SERPINA10: variants seen among roughly 807,000 people sequenced by gnomAD.
SERPINA10 encodes the protein protein Z-dependent protease inhibitor.
SERPINA10 carries 24 observed loss-of-function variants against 28.0 expected under a neutral mutation model. That is an observed-to-expected ratio of 0.86 (90% CI 0.62 to 1.20). The LOEUF is 1.20. Among genes scored for constraint, SERPINA10 ranks in the 50% most tolerant of loss-of-function variants. SERPINA10 has a pLI of 0.00. For synonymous variants in SERPINA10, 207 were observed against 203.9 expected (o/e 1.02, Z -0.13); for missense variants, 521 against 537.7 (o/e 0.97, Z 0.31).
At position 94,288,524 on chromosome 14, in the gene SERPINA10, C is replaced by T. The variant is rs768758518; in HGVS notation, c.754G>A (p.Glu252Lys). The T allele has an allele frequency of 3.3e-5, 53 of 1,614,012 alleles. No individual in the cohort carries two copies. The highest frequency in any genetic ancestry group is 8.3e-5 in the Admixed American group (5 of 59,998). The change falls in exon 3 of 5, where the codon GAA becomes AAA. Residue 252 changes from glutamate to lysine, a missense_variant. By Grantham distance (56) the Glu-to-Lys change is moderately conservative. Coordinates refer to ENST00000261994, the MANE Select transcript of SERPINA10 (RefSeq NM_001100607.3). ...WLTPFDPVFT[E>K]VDTFHLDKYK... ...TTGTCCAGGTGGAAAGTGTCGACTT[C>T]GGTGAAGACAGGGTCAAATGGGGTC...
rs765583660 is a variant in SERPINA10 at position 94,284,032 on chromosome 14, A to T, written c.1268T>A (p.Met423Lys). 1.2e-6 allele frequency: 2 copies of T among 1,614,200 alleles called. No homozygotes were observed. Among genetic ancestry groups the T allele is most frequent in the South Asian group, 2.2e-5 (2 of 91,086 alleles). Residue 423 changes from methionine (M) to lysine (K), a missense_variant, in exon 5 of 5, where the codon ATG becomes AAG. Coordinates refer to ENST00000261994, the MANE Select transcript of SERPINA10 (RefSeq NM_001100607.3). ...VIKVDRPFHF[M>K]IYEETSGMLL... is the part of the protein sequence containing the mutation. ...CATTCCAGAGGTTTCTTCATAGATC[A>T]TGAAATGAAATGGCCGGTCCACTTT...
chr14:94,289,112 C>T (rs567035055), intron 2 of SERPINA10, among the ~76,000 whole-genome samples: 1 of 152,340 alleles, frequency 6.6e-6, no homozygotes, highest in East Asian at 1.9e-4. Context: ...AACGTCTGCC[C>T]TGGGGGTGTG....
chr14:94,285,847 T>C (rs993678487), intron 4 of SERPINA10, among the ~76,000 whole-genome samples: 2 of 152,142 alleles, frequency 1.3e-5, no homozygotes, highest in African/African-American at 4.8e-5. Context: ...ACCAGTTCTA[T>C]TTCAGGGTCA....
At chr14:94,285,349 G>A (rs1188869453) in intron 4 of SERPINA10, among the ~76,000 whole-genome samples, 2 of 152,006 alleles carry the variant, frequency 1.3e-5, no homozygotes, top group Non-Finnish European at 2.9e-5. Context: ...CTGAGTAACT[G>A]AAGGGATTCT....
chr14:94,290,699 A>G, intron 1 of SERPINA10, 56 bp from the exon 2 acceptor site: 1 of 1,539,568 alleles, frequency 6.5e-7, no homozygotes, highest in East Asian at 2.4e-5. Flanking sequence ...GTCTTTGTGG[A>G]TAGTAAAAGC....
Position 94,290,500 on chromosome 14 carries a change from G to C in SERPINA10, c.94C>G (p.Pro32Ala). 6.2e-7 allele frequency: 1 copy of C among 1,613,546 alleles called. No homozygotes were observed. Among genetic ancestry groups the C allele is most frequent in the East Asian group, 2.2e-5 (1 of 44,848 alleles). ...LAPSPQSPET[P>A]APQNQTSRVV... ...CTGCTGGTCTGGTTCTGAGGGGCTG[G>C]GGTCTCTGGCGACTGAGGACTGGGG... The change falls in exon 2 of 5, where the codon CCA (proline) becomes GCA (alanine). Residue 32 changes from proline to alanine, a missense_variant. Physicochemically the swap from Pro to Ala is conservative, Grantham distance 27. Transcript: ENST00000261994.
intron 4 of SERPINA10, 38 bp from the exon 5 acceptor site, chr14:94,284,194 G>T: frequency 6.4e-7 from 1 of 1,567,654 alleles, no homozygotes; most frequent in Non-Finnish European, 8.8e-7. Flanking sequence ...CATTTGTGTG[G>T]CAGTGCAAAG....
Position 94,290,524 on chromosome 14 carries a change from G to A in SERPINA10, c.70C>T (p.Pro24Ser). Residue 24 changes from proline (P) to serine (S), a missense_variant, in exon 2 of 5, where the codon CCC (proline) becomes TCC (serine). Pro to Ser is a moderately conservative substitution (Grantham distance 74). Transcript: ENST00000261994. ...GGGGTCTCTGGCGACTGAGGACTGG[G>A]GGCCAAGCCGGGTACCAGCCACACC... ...AQVWLVPGLA[P>S]SPQSPETPAP... is the part of the protein sequence containing the mutation. 6.2e-7 allele frequency: 1 copy of A among 1,613,110 alleles called. No individual in the cohort carries two copies. The highest frequency in any genetic ancestry group is 8.5e-7 in the Non-Finnish European group (1 of 1,179,688).
chr14:94,290,702 G>A (rs1895153672), intron 1 of SERPINA10, 59 bp from the exon 2 acceptor site: 7 of 1,530,458 alleles, frequency 4.6e-6, no homozygotes, highest in Non-Finnish European at 4.4e-6. Flanking sequence ...TTTGTGGATA[G>A]TAAAAGCTTC....
At position 94,289,903 on chromosome 14, in the gene SERPINA10, T is replaced by G; in HGVS notation, c.691A>C (p.Ile231Leu). The change falls in exon 2 of 5, where the codon ATT (isoleucine) becomes CTT (leucine). Residue 231 changes from isoleucine (I) to leucine (L), a missense_variant. Coordinates refer to ENST00000261994, the MANE Select transcript of SERPINA10 (RefSeq NM_001100607.3). ...TTGAACAAGATGTAATCCACAAGAA[T>G]TAATTTGGTTTCAGGATTAATCTCA... ...FDEINPETKL[I>L]LVDYILFKGK... The G allele has an allele frequency of 1.2e-6, 2 of 1,614,072 alleles. No individual in the cohort carries two copies. Among genetic ancestry groups the G allele is most frequent in the Non-Finnish European group, 1.7e-6 (2 of 1,179,964 alleles).
At chr14:94,289,528 A>G (rs1203848343) in intron 2 of SERPINA10, among the ~76,000 whole-genome samples, 1 of 152,220 alleles carries the variant, frequency 6.6e-6, no homozygotes, top group Non-Finnish European at 1.5e-5. Context: ...AAGGGCAGAG[A>G]GTTGGTCAAA....
In SERPINA10 at chr14:94,282,260, GT is replaced by G. The variant is rs1435450141; in HGVS notation, c.*1704del. Reference sequence around the variant, plus strand: ...CAACTAATCAATAAATGAATTTTAGGTTTTTTTAAACATTAGATAGCAGACA... The same window carrying G: ...CAACTAATCAATAAATGAATTTTAGGTTTTTTAAACATTAGATAGCAGACA... On this transcript the variant is annotated 3_prime_UTR_variant, in exon 5 of 5. Transcript: ENST00000261994. The G allele has an allele frequency of 5.5e-4, 84 of 151,756 alleles. No individual in the cohort carries two copies. Among genetic ancestry groups the G allele is most frequent in the Admixed American group, 5.5e-3 (84 of 15,248 alleles). 9.4% of individuals were successfully genotyped at this position (151,756 alleles called of 1,614,324 possible).
rs370404211 is a variant in SERPINA10 at position 94,290,238 on chromosome 14, G to C, written c.356C>G (p.Pro119Arg). ...CCCTCTCTTGATCTGGGTTTCAGTC[G>C]GCCCTGTGGCCCCCAGCATCAAGCC... ...MTGLMLGATG[P>R]TETQIKRGLH... is the part of the protein sequence containing the mutation. Residue 119 changes from proline (P) to arginine (R), a missense_variant, in exon 2 of 5, where the codon CCG (proline) becomes CGG (arginine). Pro to Arg is a moderately radical substitution (Grantham distance 103, BLOSUM62 -2). Transcript: ENST00000261994. 6.2e-7 allele frequency: 1 copy of C among 1,613,818 alleles called. No homozygotes were observed. The highest frequency in any genetic ancestry group is 8.5e-7 in the Non-Finnish European group (1 of 1,179,834).
rs752563180 is a variant in SERPINA10, at chr14:94,286,163, G to A, written c.1088C>T (p.Pro363Leu). The A allele has an allele frequency of 5.6e-6, 9 of 1,613,980 alleles. No individual in the cohort carries two copies. The East Asian group carries it at 2.0e-4, about 36-fold the overall frequency. Residue 363 changes from proline (P) to leucine (L), a missense_variant, in exon 4 of 5, where the codon CCC becomes CTC. Pro to Leu is a moderately conservative substitution (Grantham distance 98). Transcript: ENST00000261994. ...TGAGAGTTCACTAAGGTCAGCAAAG[G>A]GTGAGAAGATTCTTCTGATTCCCAT... ...RQMGIRRIFS[P>L]FADLSELSAT...
rs1273023900 is a variant in SERPINA10 at position 94,281,650 on chromosome 14, G to A, written c.*2315C>T. ...GTCTTAGGAACTTCTTAAAGCAAATGTGAGGGAACATTAAAAAGTATATTT... is the reference window on the plus strand; with the variant it reads ...GTCTTAGGAACTTCTTAAAGCAAATATGAGGGAACATTAAAAAGTATATTT... On this transcript the variant is annotated 3_prime_UTR_variant, in exon 5 of 5. Transcript: ENST00000261994. The A allele has an allele frequency of 6.6e-6, 1 of 152,126 alleles. No homozygotes were observed. The highest frequency in any genetic ancestry group is 1.5e-5 in the Non-Finnish European group (1 of 68,040). The allele number at this position is 152,126 out of a possible 1,614,324, so 9.4% of individuals were successfully genotyped here. A position where few individuals can be genotyped will look rare whatever the true frequency, so the allele number is the denominator to read the frequency against.
intron 3 of SERPINA10, among the ~76,000 whole-genome samples, chr14:94,286,810 G>A (rs561781767): frequency 6.6e-6 from 1 of 152,342 alleles, no homozygotes; most frequent in Admixed American, 6.5e-5. Flanking sequence ...TTGAGGACAT[G>A]ACGTGTCTTG....
Position 94,288,397 on chromosome 14 carries a change from C to T in SERPINA10, c.881G>A (p.Gly294Glu). 5 of 1,614,086 alleles carry T rather than the reference C, an allele frequency of 3.1e-6. No homozygotes were observed. Among genetic ancestry groups the T allele is most frequent in the Non-Finnish European group, 4.2e-6 (5 of 1,180,008 alleles). Residue 294 changes from glycine (G) to glutamate (E), a missense_variant, in exon 3 of 5, where the codon GGA becomes GAA. Coordinates refer to ENST00000261994, the MANE Select transcript of SERPINA10 (RefSeq NM_001100607.3). The stretch of plus-strand genomic sequence containing the variant: ...GAGGACCACCAGCATGGTGGCATTT[C>T]CTTGGTAGGGCAGTTTGAGGACATG... Reference protein sequence around the residue: ...RCHVLKLPYQGNATMLVVLME... With the variant: ...RCHVLKLPYQENATMLVVLME...
intron 1 of SERPINA10, 60 bp from the exon 2 acceptor site, chr14:94,290,703 T>C: frequency 6.5e-7 from 1 of 1,526,938 alleles, no homozygotes; most frequent in Non-Finnish European, 8.8e-7. Flanking sequence ...TTGTGGATAG[T>C]AAAAGCTTCT....
chr14:94,290,606 G>C lies in SERPINA10; in HGVS notation c.-13C>G, dbSNP rs45505795. 0.028 allele frequency: 45,037 copies of C among 1,612,218 alleles called. 784 individuals are homozygous for C. The highest frequency in any genetic ancestry group is 0.033 in the Non-Finnish European group (38,391 of 1,179,592). On this transcript the variant is annotated 5_prime_UTR_variant, in exon 2 of 5. Transcript: ENST00000261994. ...GCACCACCTTCATGTGATCGGCTGC[G>C]GAGGCCAAGGAGTGCCTCCCTTCAG...
Sources: gnomAD v4.1 joint callset for allele counts (sites outside exome capture counted in the v4.1 genomes callset) on GRCh38, gnomAD v4.1.1 for gene constraint, MANE v1.5 for transcripts, NCBI Gene and HGNC (gene_info 2026-07-23, HGNC 2026-07-21) for gene names.